Variants in DENND5B observed in about 807,000 individuals in gnomAD.
DENND5B encodes the protein DENN domain containing 5B.
In DENND5B, 34 loss-of-function variants were observed where a neutral mutation model predicts 140.6. The observed-to-expected ratio is 0.24, with a 90% CI of 0.18 to 0.32. DENND5B has a LOEUF of 0.32. Among genes scored for constraint, DENND5B ranks in the 10% least tolerant of loss-of-function variants. The pLI is 1.00. For missense variants in DENND5B, 1,142 were observed against 1,560.2 expected, an observed-to-expected ratio of 0.73 and a Z score of 4.52; for synonymous variants, 551 against 562.1, an observed-to-expected ratio of 0.98 and a Z score of 0.28.
At chr12:31,415,617 C>G (rs1565556958) in intron 11 of DENND5B, among the ~76,000 whole-genome samples, 169 bp from the exon 12 acceptor site, 1 of 152,210 alleles carries the variant, frequency 6.6e-6, no homozygotes, top group Non-Finnish European at 1.5e-5. Flanking sequence ...TGCTCTGTCA[C>G]TGAGCTTGGA....
chr12:31,416,540 A>G (rs1942749285), intron 11 of DENND5B, among the ~76,000 whole-genome samples: 1 of 152,240 alleles, frequency 6.6e-6, no homozygotes, highest in African/African-American at 2.4e-5. Flanking sequence ...CTGGGATTAC[A>G]GGTGTTAGCC....
At chr12:31,556,475 T>A (rs1949284716) in intron 1 of DENND5B, among the ~76,000 whole-genome samples, 1 of 152,212 alleles carries the variant, frequency 6.6e-6, no homozygotes, top group South Asian at 2.1e-4. Flanking sequence ...GTGCTGGGAT[T>A]ACAGGCGTGA....
At chr12:31,538,095 C>G (rs568475598) in intron 1 of DENND5B, among the ~76,000 whole-genome samples, 9 of 152,266 alleles carry the variant, frequency 5.9e-5, no homozygotes, top group Admixed American at 1.3e-4. Flanking sequence ...TTGGACAGAT[C>G]TTCCAGAGAG....
intron 1 of DENND5B, among the ~76,000 whole-genome samples, chr12:31,537,555 G>A (rs1948546047): frequency 6.6e-6 from 1 of 151,996 alleles, no homozygotes; most frequent in African/African-American, 2.4e-5. Flanking sequence ...AGGAAGGATG[G>A]AAGACAAGAC....
At chr12:31,534,104 T>C (rs1474318088) in intron 1 of DENND5B, among the ~76,000 whole-genome samples, 2 of 152,118 alleles carry the variant, frequency 1.3e-5, no homozygotes, top group Non-Finnish European at 2.9e-5. Flanking sequence ...TAAAAATACA[T>C]TTCTCTTGGA....
chr12:31,495,051 C>T (rs1298365664), intron 2 of DENND5B, among the ~76,000 whole-genome samples: 1 of 152,134 alleles, frequency 6.6e-6, no homozygotes, highest in Non-Finnish European at 1.5e-5. Flanking sequence ...TTCTACTGTA[C>T]CTAAATAACG....
intron 14 of DENND5B, among the ~76,000 whole-genome samples, chr12:31,403,488 G>C (rs1342075401): frequency 1.3e-5 from 2 of 151,488 alleles, no homozygotes; most frequent in Non-Finnish European, 2.9e-5. Context: ...AGCTACTTGG[G>C]AAGCTCAGGC....
chr12:31,568,983 C>T (rs1016547711), intron 1 of DENND5B, among the ~76,000 whole-genome samples: 3 of 150,794 alleles, frequency 2.0e-5, no homozygotes, highest in African/African-American at 7.3e-5. Context: ...CTCCTGGGCT[C>T]AAGCAATCCT....
intron 3 of DENND5B, among the ~76,000 whole-genome samples, chr12:31,478,980 G>A (rs1392748120): frequency 6.6e-6 from 1 of 151,318 alleles, no homozygotes; most frequent in Non-Finnish European, 1.5e-5. Context: ...TTCCTTCTGA[G>A]ATTAAAAAAC....
chr12:31,467,639 G>A (rs1183534539), intron 3 of DENND5B, among the ~76,000 whole-genome samples: 2 of 152,012 alleles, frequency 1.3e-5, no homozygotes, highest in African/African-American at 4.8e-5. Context: ...ACAAAATAAG[G>A]TCACTATGAG....
intron 1 of DENND5B, among the ~76,000 whole-genome samples, chr12:31,552,107 T>C (rs548275272): frequency 9.8e-5 from 15 of 152,302 alleles, no homozygotes; most frequent in African/African-American, 2.6e-4. Flanking sequence ...CTATGTTGAA[T>C]AGGAGTCGTG....
intron 1 of DENND5B, among the ~76,000 whole-genome samples, chr12:31,566,021 T>C (rs1018558827): frequency 6.6e-6 from 1 of 152,108 alleles, no homozygotes; most frequent in African/African-American, 2.4e-5. Context: ...GGCATGCACC[T>C]GTAGTCCCAA....
chr12:31,498,264 C>T (rs1461243252), intron 1 of DENND5B, among the ~76,000 whole-genome samples: 3 of 152,158 alleles, frequency 2.0e-5, no homozygotes, highest in African/African-American at 7.2e-5. Context: ...CTCCTTGCAA[C>T]ACTTACCTTT....
intron 3 of DENND5B, among the ~76,000 whole-genome samples, chr12:31,471,372 T>G (rs1473168382): frequency 1.3e-5 from 2 of 151,938 alleles, no homozygotes; most frequent in Non-Finnish European, 2.9e-5. Flanking sequence ...TGGAATGCAG[T>G]GGCATGATCT....
At chr12:31,564,838 C>T (rs1292806994) in intron 1 of DENND5B, among the ~76,000 whole-genome samples, 2 of 152,018 alleles carry the variant, frequency 1.3e-5, no homozygotes, top group African/African-American at 4.8e-5. Context: ...ATCCTCCCAC[C>T]TCTGCCTCCC....
chr12:31,402,393 T>C lies in DENND5B; in HGVS notation c.2949+105A>G, dbSNP rs1000113882. 4.4e-6 allele frequency: 6 copies of C among 1,370,108 alleles called. No homozygotes were observed. The African/African-American group carries it at 8.7e-5, about 20-fold the overall frequency. The allele number at this position is 1,370,108 out of a possible 1,614,324, so 84.9% of individuals were successfully genotyped here. On this transcript the variant is annotated intron_variant, in intron 15 of 20. Transcript: ENST00000389082. ...AAAATGATCCTGCACGCTTTGAGTGTTCCTCTATTTTATTTGATTCAAGGA... is the reference window on the plus strand; with the variant it reads ...AAAATGATCCTGCACGCTTTGAGTGCTCCTCTATTTTATTTGATTCAAGGA...
At chr12:31,494,010 T>C (rs1000849883) in intron 2 of DENND5B, among the ~76,000 whole-genome samples, 3 of 152,168 alleles carry the variant, frequency 2.0e-5, no homozygotes, top group Non-Finnish European at 4.4e-5. Context: ...CCCTGAATTA[T>C]ATAATCATAG....
chr12:31,442,425 G>A (rs1477325459), intron 7 of DENND5B, among the ~76,000 whole-genome samples: 3 of 152,118 alleles, frequency 2.0e-5, no homozygotes, highest in Non-Finnish European at 4.4e-5. Context: ...TGTTATAGCA[G>A]CCCTAGGAAA....
In DENND5B at chr12:31,480,071, G is replaced by A; in HGVS notation, c.422C>T (p.Ala141Val). 6.2e-7 allele frequency: 1 copy of A among 1,613,976 alleles called. No individual in the cohort carries two copies. The highest frequency in any genetic ancestry group is 1.3e-5 in the African/African-American group (1 of 75,050). ...AGCATACACACTGCTGTAATGCTCA[G>A]CGTTGTGCATCTGGTAAAGTGTCTG... The part of the protein sequence containing the change: ...AMQTLYQMHN[A>V]EHYSSVYASS... The change falls in exon 3 of 21, where the codon GCT (alanine) becomes GTT (valine). Residue 141 changes from alanine to valine, a missense_variant. Ala to Val is a moderately conservative substitution (Grantham distance 64). Transcript: ENST00000389082.
Sources: allele counts gnomAD v4.1 joint callset (sites outside exome capture counted in the v4.1 genomes callset), GRCh38; gene constraint gnomAD v4.1.1; transcripts MANE v1.5; gene names NCBI Gene and HGNC (gene_info 2026-07-23, HGNC 2026-07-21).